The following NCAPD3 variants were observed in gnomAD, a reference collection of about 807,000 sequenced individuals.
NCAPD3 encodes condensin-2 complex subunit D3.
In NCAPD3, 105 loss-of-function variants were observed where a neutral mutation model predicts 182.9. The ratio of observed to expected loss-of-function variants is 0.57; its 90% CI spans 0.49 to 0.68. NCAPD3 has a LOEUF of 0.68. NCAPD3 is among the 30% of genes least tolerant of loss of function. The probability of loss-of-function intolerance (pLI) is 0.00; values close to 1 mark genes in which losing one functional copy is unlikely to be tolerated. For missense variants in NCAPD3, 1,944 were observed against 1,837.0 expected (o/e 1.06, Z -1.07); for synonymous variants, 815 against 679.9 (o/e 1.20, Z -3.09).
chr11:134,204,815 A>G lies in NCAPD3; in HGVS notation c.1089+84T>C. ...TGCACACTCATTCCCAAGAACAAAT[A>G]CCCACACTCACACACACACACACAC... On this transcript the variant is annotated intron_variant, in intron 9 of 34. Coordinates refer to ENST00000534548, the MANE Select transcript of NCAPD3 (RefSeq NM_015261.3). The surrounding 1 kb of genome is among the most constrained non-coding windows in gnomAD (Gnocchi z 4.3). 8.9e-7 allele frequency: 1 copy of G among 1,126,930 alleles called. No homozygotes were observed. Among genetic ancestry groups the G allele is most frequent in the South Asian group, 1.4e-5 (1 of 69,620 alleles). 69.8% of individuals were successfully genotyped at this position (1,126,930 alleles called of 1,614,324 possible).
At position 134,152,224 on chromosome 11, in the gene NCAPD3, A is replaced by AT. The variant is rs1454739602; in HGVS notation, c.*719dup. On this transcript the variant is annotated 3_prime_UTR_variant, in exon 35 of 35. Transcript: ENST00000534548. ...CTGCTCTGGGGAAGGCTGCAAAGCC[A>AT]TTTTTTCCCAAGAAGGGATGCTGTT... 1.3e-5 allele frequency among the ~76,000 whole-genome samples: 2 copies of AT among 152,368 alleles called. No individual in the cohort carries two copies. The highest frequency in any genetic ancestry group is 2.1e-4 in the South Asian group (1 of 4,832).
At chr11:134,194,609 T>C (rs1944587996) in intron 14 of NCAPD3, 56 bp downstream of exon 14, 2 of 1,282,550 alleles carry the variant, frequency 1.6e-6, no homozygotes, top group East Asian at 2.4e-5. Context: ...AAATATTCCT[T>C]TGCATTTCCA....
chr11:134,186,639 ATTAAT>A (rs764912826), intron 16 of NCAPD3, among the ~76,000 whole-genome samples: 2 of 152,238 alleles, frequency 1.3e-5, no homozygotes, highest in African/African-American at 2.4e-5. Context: ...TCTTCCCTTG[ATTAAT>A]TTTTCTTAGA....
At chr11:134,154,735 C>A (rs1943371553) in intron 32 of NCAPD3, among the ~76,000 whole-genome samples, 1 of 152,254 alleles carries the variant, frequency 6.6e-6, no homozygotes, top group African/African-American at 2.4e-5. Context: ...CTTCTGCAAG[C>A]ACATGCGAGG....
intron 1 of NCAPD3, chr11:134,223,583 C>A (rs1414070099): frequency 4.4e-6 from 3 of 678,050 alleles, no homozygotes; most frequent in Non-Finnish European, 8.2e-6. Context: ...CGAAGACACG[C>A]ACAGGAAGAA....
At chr11:134,221,724 A>C (rs1938235809) in intron 1 of NCAPD3, among the ~76,000 whole-genome samples, 1 of 152,260 alleles carries the variant, frequency 6.6e-6, no homozygotes, top group Non-Finnish European at 1.5e-5. Flanking sequence ...AAATAAGGAA[A>C]AAACAGAGAT....
chr11:134,216,201 G>T lies in NCAPD3; in HGVS notation c.382+735C>A, dbSNP rs536218740. Among the ~76,000 whole-genome samples, 3 of 152,174 alleles carry T rather than the reference G, an allele frequency of 2.0e-5. No homozygotes were observed. The South Asian group carries it at 6.2e-4, about 32-fold the overall frequency. On this transcript the variant is annotated intron_variant, in intron 3 of 34. Transcript: ENST00000534548. Reference sequence around the variant, plus strand: ...AACAACAACACAAATCAATGTTCAGGGCTTTAAATATAAGACCTTTTTGCC... The same window carrying T: ...AACAACAACACAAATCAATGTTCAGTGCTTTAAATATAAGACCTTTTTGCC...
chr11:134,167,798 C>T (rs1591829895), intron 27 of NCAPD3, among the ~76,000 whole-genome samples, 198 bp downstream of exon 27: 1 of 114,574 alleles, frequency 8.7e-6, no homozygotes, highest in African/African-American at 3.5e-5. Context: ...GGTGCACACT[C>T]GTGAGATGAG....
intron 30 of NCAPD3, 57 bp downstream of exon 30, chr11:134,158,272 C>T: frequency 6.2e-7 from 1 of 1,604,086 alleles, no homozygotes; most frequent in Non-Finnish European, 8.5e-7. Context: ...GCAGGGACGC[C>T]TCTGAGAACA....
chr11:134,202,511 G>A (rs144298660), intron 13 of NCAPD3, among the ~76,000 whole-genome samples: 3 of 152,188 alleles, frequency 2.0e-5, no homozygotes, highest in African/African-American at 4.8e-5. Context: ...CTGAGTAGCT[G>A]GGACCACAGG....
At chr11:134,189,343 A>G (rs1944477222) in intron 16 of NCAPD3, among the ~76,000 whole-genome samples, 1 of 152,108 alleles carries the variant, frequency 6.6e-6, no homozygotes, top group Non-Finnish European at 1.5e-5. Context: ...TTATTCAAAG[A>G]CTTTTCGTAA....
rs372398621 is a variant in NCAPD3 at position 134,158,018 on chromosome 11, C to G, written c.4084G>C (p.Val1362Leu). ...CTCCGATGCCTGCTCTTTGACTCCACGGCTTTCTTGACAGAATTCAGGATT... is the reference window on the plus strand; with the variant it reads ...CTCCGATGCCTGCTCTTTGACTCCAGGGCTTTCTTGACAGAATTCAGGATT... ...IAILNSVKKAVESKSRHRSRS... is the reference protein window; with the variant it reads ...IAILNSVKKALESKSRHRSRS... The change falls in exon 31 of 35, where the codon GTG becomes CTG. Residue 1362 changes from valine (V) to leucine (L), a missense_variant. Coordinates refer to ENST00000534548, the MANE Select transcript of NCAPD3 (RefSeq NM_015261.3). 12 of 1,614,060 alleles carry G rather than the reference C, an allele frequency of 7.4e-6. No individual in the cohort carries two copies. Among genetic ancestry groups the G allele is most frequent in the Middle Eastern group, 1.6e-4 (1 of 6,084 alleles).
At chr11:134,203,058 A>T in intron 12 of NCAPD3, 84 bp downstream of exon 12, 1 of 1,222,700 alleles carries the variant, frequency 8.2e-7, no homozygotes, top group East Asian at 2.4e-5. Context: ...GCAGGTAAAT[A>T]AGGAGGTAAG....
Position 134,204,207 on chromosome 11 carries a change from C to A in NCAPD3, c.1090-36G>T, listed in dbSNP as rs1335282031. On this transcript the variant is annotated intron_variant, in intron 9 of 34. Transcript: ENST00000534548. The surrounding 1 kb of genome is among the most constrained non-coding windows in gnomAD (Gnocchi z 4.3). ...AAAAGAGAAGTTGACCAACCAATAT[C>A]CACCCGCAGGATGGCTGAAACATAT... The A allele has an allele frequency of 3.1e-6, 5 of 1,606,188 alleles. No individual in the cohort carries two copies. Among genetic ancestry groups the A allele is most frequent in the Non-Finnish European group, 4.3e-6 (5 of 1,175,530 alleles).
Position 134,181,044 on chromosome 11 carries a change from CG to C in NCAPD3, c.2559+32del, listed in dbSNP as rs1378406691. The C allele has an allele frequency of 2.7e-6, 4 of 1,509,174 alleles. No individual in the cohort carries two copies. The African/African-American group carries it at 5.5e-5, about 21-fold the overall frequency. 93.5% of individuals were successfully genotyped at this position (1,509,174 alleles called of 1,614,324 possible). On this transcript the variant is annotated intron_variant, in intron 20 of 34. Transcript: ENST00000534548. ...TAGAACCTCACGGATAAAATGGAAG[CG>C]AAAAGAATGGTTAGGAAAAGCAGTC...
At chr11:134,223,343 G>A (rs956314773) in intron 1 of NCAPD3, 4 of 689,474 alleles carry the variant, frequency 5.8e-6, no homozygotes, top group African/African-American at 5.3e-5. Context: ...CAGGACAGTG[G>A]TAGTGGGCAT....
At chr11:134,155,365 ACTAT>A (rs1289078582) in intron 32 of NCAPD3, among the ~76,000 whole-genome samples, 4 of 152,308 alleles carry the variant, frequency 2.6e-5, no homozygotes, top group East Asian at 1.9e-4. Context: ...GTGCTTTTAA[ACTAT>A]CTAACAGTTC....
intron 32 of NCAPD3, among the ~76,000 whole-genome samples, chr11:134,156,467 T>C (rs1052187707): frequency 1.3e-5 from 2 of 152,218 alleles, no homozygotes; most frequent in Admixed American, 6.5e-5. Context: ...TCACACAAGA[T>C]AATAGGAAAA....
intron 27 of NCAPD3, among the ~76,000 whole-genome samples, chr11:134,165,462 CATG>C (rs1463235993): frequency 1.4e-5 from 2 of 140,398 alleles, no homozygotes; most frequent in Non-Finnish European, 3.0e-5. Context: ...GTGGCACACT[CATG>C]AGATGAGCTT....
Sources: gnomAD v4.1 joint callset for allele counts (sites outside exome capture counted in the v4.1 genomes callset) on GRCh38, gnomAD v4.1.1 for gene constraint, Gnocchi (gnomAD v3.1) non-coding constraint, MANE v1.5 for transcripts, NCBI Gene and HGNC (gene_info 2026-07-23, HGNC 2026-07-21) for gene names.